RGS6: variants seen among roughly 807,000 people sequenced by gnomAD.
RGS6 encodes regulator of G-protein signaling 6.
A neutral mutation model predicts 78.5 loss-of-function variants in RGS6; 30 were observed. The ratio of observed to expected loss-of-function variants is 0.38; its 90% CI spans 0.29 to 0.52. RGS6 has a LOEUF of 0.52. Among genes scored for constraint, RGS6 ranks in the 20% least tolerant of loss-of-function variants. The pLI, the probability that RGS6 is intolerant of heterozygous loss-of-function variation, is 0.85. For synonymous variants in RGS6, 206 were observed against 206.0 expected, an observed-to-expected ratio of 1.00 and a Z score of 0.00; for missense variants, 495 against 609.7, an observed-to-expected ratio of 0.81 and a Z score of 1.98.
the RGS6 span, among the ~76,000 whole-genome samples, chr14:71,909,766 G>GA: frequency 6.6e-6 from 1 of 152,132 alleles, no homozygotes; most frequent in Non-Finnish European, 1.5e-5. Flanking sequence ...ATTGGGTTGG[G>GA]AGGGGATCCC....
At chr14:72,381,489 G>A (rs2086089801) in intron 3 of RGS6, among the ~76,000 whole-genome samples, 1 of 151,908 alleles carries the variant, frequency 6.6e-6, no homozygotes, top group Non-Finnish European at 1.5e-5. Context: ...ATCAAAAAAC[G>A]ACTGACAGCT....
chr14:72,021,532 G>T (rs537224726), intron 2 of RGS6, among the ~76,000 whole-genome samples: 1 of 139,378 alleles, frequency 7.2e-6, no homozygotes, highest in African/African-American at 2.7e-5. Flanking sequence ...GCAATGGCAC[G>T]ATCTCAGCTC....
intron 1 of RGS6, among the ~76,000 whole-genome samples, chr14:71,964,118 C>T (rs1188837347): frequency 2.0e-5 from 3 of 151,824 alleles, no homozygotes; most frequent in Non-Finnish European, 4.4e-5. Context: ...ATAAAATATT[C>T]ATATTTTAAT....
At chr14:72,503,183 C>A (rs1158901818) in intron 13 of RGS6, among the ~76,000 whole-genome samples, 1 of 152,022 alleles carries the variant, frequency 6.6e-6, no homozygotes, top group Non-Finnish European at 1.5e-5. Flanking sequence ...GACACTAATC[C>A]CACTCCACGT....
chr14:71,936,030 A>ATATG (rs1555390440), intron 1 of RGS6, among the ~76,000 whole-genome samples: 5 of 133,218 alleles, frequency 3.8e-5, no homozygotes, highest in African/African-American at 1.3e-4. Flanking sequence ...ATATATATAT[A>ATATG]TATATATATA....
chr14:72,005,462 T>TA (rs1426945617), intron 2 of RGS6, among the ~76,000 whole-genome samples: 66 of 151,662 alleles, frequency 4.4e-4, no homozygotes, highest in South Asian at 3.4e-3. Context: ...TCTATCTATC[T>TA]ATCTATATCT....
intron 3 of RGS6, among the ~76,000 whole-genome samples, chr14:72,373,859 A>G (rs1196231092): frequency 6.6e-6 from 1 of 152,144 alleles, no homozygotes; most frequent in Non-Finnish European, 1.5e-5. Context: ...TAATGATGAA[A>G]AAATGCAAGT....
At chr14:72,199,576 A>G (rs1388728070) in intron 2 of RGS6, among the ~76,000 whole-genome samples, 2 of 152,228 alleles carry the variant, frequency 1.3e-5, no homozygotes. Flanking sequence ...TTTAAGTGGC[A>G]TGAGCTCATC....
chr14:71,999,950 A>C (rs2083124399), intron 2 of RGS6, among the ~76,000 whole-genome samples: 1 of 152,132 alleles, frequency 6.6e-6, no homozygotes, highest in African/African-American at 2.4e-5. Flanking sequence ...GATGGAGTCA[A>C]AAACTGCAAG....
chr14:72,412,807 G>C (rs1019358121), intron 3 of RGS6, among the ~76,000 whole-genome samples: 2 of 152,122 alleles, frequency 1.3e-5, no homozygotes, highest in African/African-American at 4.8e-5. Flanking sequence ...CTTTATGTCT[G>C]CCTTCATTTT....
chr14:72,076,596 A>G (rs888331522), intron 2 of RGS6, among the ~76,000 whole-genome samples: 1 of 152,090 alleles, frequency 6.6e-6, no homozygotes, highest in Admixed American at 6.5e-5. Context: ...TGGCATGATC[A>G]TTGTTCACTG....
At position 72,563,132 on chromosome 14, in the gene RGS6, C is replaced by T. The variant is rs10138291; in HGVS notation, c.*665C>T. 1,016 of 279,782 alleles carry T rather than the reference C, an allele frequency of 3.6e-3. 11 individuals are homozygous for T. Among genetic ancestry groups the T allele is most frequent in the African/African-American group, 0.019 (911 of 46,992 alleles). The allele number at this position is 279,782 out of a possible 1,614,324, so 17.3% of individuals were successfully genotyped here. A position where few individuals can be genotyped will look rare whatever the true frequency, so the allele number is the denominator to read the frequency against. ...CAGCGTTCGGAGAGGTCCCCGCCAG[C>T]CCGGTGGCTGCCCTCAGGTCCCGTC... On this transcript the variant is annotated 3_prime_UTR_variant, in exon 18 of 18. Coordinates refer to ENST00000553525, the MANE Select transcript of RGS6 (RefSeq NM_001204424.2).
intron 17 of RGS6, among the ~76,000 whole-genome samples, chr14:72,548,148 A>G (rs2097436463): frequency 6.6e-6 from 1 of 152,174 alleles, no homozygotes; most frequent in Non-Finnish European, 1.5e-5. Context: ...GGGTTCAGCC[A>G]TGGCCCATCC....
At chr14:72,211,183 T>C (rs1452898304) in intron 2 of RGS6, among the ~76,000 whole-genome samples, 1 of 152,194 alleles carries the variant, frequency 6.6e-6, no homozygotes, top group East Asian at 1.9e-4. Flanking sequence ...CTTGGAGGTT[T>C]TGAAGAATCA....
intron 12 of RGS6, among the ~76,000 whole-genome samples, chr14:72,481,070 G>T (rs140274882): frequency 6.6e-6 from 1 of 152,094 alleles, no homozygotes; most frequent in Non-Finnish European, 1.5e-5. Context: ...ACCGACCATC[G>T]AGGTTTGAAA....
the RGS6 span, among the ~76,000 whole-genome samples, chr14:71,870,883 C>T: frequency 6.6e-6 from 1 of 152,336 alleles, no homozygotes; most frequent in East Asian, 1.9e-4. Context: ...CCTTGGGCCT[C>T]CCATCCCAGT....
At chr14:72,253,929 C>T (rs975788826) in intron 2 of RGS6, among the ~76,000 whole-genome samples, 4 of 152,194 alleles carry the variant, frequency 2.6e-5, no homozygotes, top group African/African-American at 4.8e-5. Flanking sequence ...TTCGGGGCAC[C>T]ACCTCTGCTC....
intron 3 of RGS6, among the ~76,000 whole-genome samples, chr14:72,407,666 T>A (rs2093047390): frequency 6.6e-6 from 1 of 152,256 alleles, no homozygotes. Context: ...AATGTTACTT[T>A]AGAATCTGAC....
At chr14:72,610,408 A>G in the RGS6 span, among the ~76,000 whole-genome samples, 3 of 152,286 alleles carry the variant, frequency 2.0e-5, no homozygotes, top group Non-Finnish European at 2.9e-5. Flanking sequence ...TCACAAATGG[A>G]GGCGCCCTCA....
Sources: gnomAD v4.1 joint callset for allele counts (sites outside exome capture counted in the v4.1 genomes callset) on GRCh38, gnomAD v4.1.1 for gene constraint, MANE v1.5 for transcripts, NCBI Gene and HGNC (gene_info 2026-07-23, HGNC 2026-07-21) for gene names.